Variants in FBXO34 observed in about 807,000 individuals in gnomAD.
FBXO34 encodes the protein F-box protein 34.
FBXO34 carries 12 observed loss-of-function variants against 24.5 expected under a neutral mutation model. The observed-to-expected ratio is 0.49, with a 90% confidence interval of 0.31 to 0.79. The LOEUF is 0.79. Ranked by LOEUF, FBXO34 falls within the 30% of genes least tolerant of loss-of-function variation. The probability of loss-of-function intolerance (pLI) is 0.04; values close to 1 mark genes in which losing one functional copy is unlikely to be tolerated. For missense variants in FBXO34, 823 were observed against 857.7 expected, an observed-to-expected ratio of 0.96 and a Z score of 0.51; for synonymous variants, 320 against 311.9, an observed-to-expected ratio of 1.03 and a Z score of -0.27.
chr14:55,317,429 C>T (rs748115911), intron 1 of FBXO34, among the ~76,000 whole-genome samples: 35 of 151,706 alleles, frequency 2.3e-4, no homozygotes, highest in Non-Finnish European at 4.1e-4. Context: ...TGCAGTGACC[C>T]GAGATTGTGC....
intron 1 of FBXO34, among the ~76,000 whole-genome samples, chr14:55,309,528 T>C (rs567259487): frequency 1.1e-4 from 17 of 152,336 alleles, no homozygotes; most frequent in South Asian, 4.1e-4. Flanking sequence ...TTTAAACTTA[T>C]CTGATTTTTC....
At chr14:55,427,230 G>T in the FBXO34 span, among the ~76,000 whole-genome samples, 1 of 148,948 alleles carries the variant, frequency 6.7e-6, no homozygotes, top group South Asian at 2.1e-4. Flanking sequence ...GGACTTTATA[G>T]GGAGCTCAGA....
At chr14:55,323,029 AAAAAG>A (rs1242559147) in intron 1 of FBXO34, among the ~76,000 whole-genome samples, 3 of 129,242 alleles carry the variant, frequency 2.3e-5, no homozygotes, top group Admixed American at 7.5e-5. Flanking sequence ...AAAAAAAAAA[AAAAAG>A]CAAAAACGGG....
chr14:55,364,356 T>A (rs1245227730), downstream of FBXO34, among the ~76,000 whole-genome samples: 1 of 152,220 alleles, frequency 6.6e-6, no homozygotes, highest in African/African-American at 2.4e-5. Flanking sequence ...AAAAAAGTCA[T>A]TGATGTAAAT....
downstream of FBXO34, among the ~76,000 whole-genome samples, chr14:55,356,298 T>C (rs986075355): frequency 6.6e-6 from 1 of 152,216 alleles, no homozygotes; most frequent in African/African-American, 2.4e-5. Flanking sequence ...AACATGAAAT[T>C]AGCCTGCACA....
At chr14:55,290,232 A>C (rs1881899090) in intron 1 of FBXO34, among the ~76,000 whole-genome samples, 1 of 151,902 alleles carries the variant, frequency 6.6e-6, no homozygotes, top group African/African-American at 2.4e-5. Context: ...CGTCTCTACT[A>C]AAAAATGCAA....
At chr14:55,428,329 CCGT>C in the FBXO34 span, among the ~76,000 whole-genome samples, 1 of 151,830 alleles carries the variant, frequency 6.6e-6, no homozygotes, top group Non-Finnish European at 1.5e-5. Flanking sequence ...CAGGGTTTCA[CCGT>C]GTTAGCCAGG....
At chr14:55,299,606 AAACT>A (rs1373885738) in intron 1 of FBXO34, among the ~76,000 whole-genome samples, 2 of 152,176 alleles carry the variant, frequency 1.3e-5, no homozygotes, top group Middle Eastern at 3.2e-3. Flanking sequence ...CCACCTAACA[AAACT>A]AACAGATTGA....
At chr14:55,413,544 T>G in the FBXO34 span, 1 of 404,608 alleles carries the variant, frequency 2.5e-6, no homozygotes, top group Non-Finnish European at 4.9e-6. Flanking sequence ...TCAGAATTTT[T>G]TTTGACACCT....
chr14:55,369,364 T>C (rs995250326), downstream of FBXO34: 5 of 306,084 alleles, frequency 1.6e-5, no homozygotes, highest in African/African-American at 1.1e-4. Flanking sequence ...GCACAGGTCC[T>C]CCTTCCACCA....
the FBXO34 span, among the ~76,000 whole-genome samples, chr14:55,410,680 A>T: frequency 0.44 from 66,481 of 152,074 alleles, 15,217 homozygotes; most frequent in African/African-American, 0.57. Context: ...TTCTTGTACC[A>T]ACACTTAACT....
chr14:55,394,737 G>C, the FBXO34 span, among the ~76,000 whole-genome samples: 4 of 152,148 alleles, frequency 2.6e-5, no homozygotes, highest in Admixed American at 2.6e-4. Flanking sequence ...CACGGGAACA[G>C]AAGTAATTAA....
downstream of FBXO34, among the ~76,000 whole-genome samples, chr14:55,362,273 C>T (rs183098288): frequency 1.9e-3 from 293 of 152,302 alleles, no homozygotes; most frequent in African/African-American, 6.8e-3. Flanking sequence ...ATTAAGTTTG[C>T]TCTCTTATAC....
At chr14:55,407,200 C>A in the FBXO34 span, among the ~76,000 whole-genome samples, 1 of 152,192 alleles carries the variant, frequency 6.6e-6, no homozygotes, top group Non-Finnish European at 1.5e-5. Flanking sequence ...GTGATCTTGG[C>A]TCACTGCAAC....
chr14:55,308,045 T>A (rs894017822), intron 1 of FBXO34, among the ~76,000 whole-genome samples: 3 of 152,204 alleles, frequency 2.0e-5, no homozygotes, highest in Non-Finnish European at 4.4e-5. Context: ...TCCGATGGTT[T>A]TATAAATGGG....
chr14:55,408,801 C>T, the FBXO34 span, among the ~76,000 whole-genome samples: 1 of 152,050 alleles, frequency 6.6e-6, no homozygotes, highest in Non-Finnish European at 1.5e-5. Flanking sequence ...AATCACGTAC[C>T]AAGTGGTAGA....
intron 1 of FBXO34, among the ~76,000 whole-genome samples, chr14:55,333,078 T>TAG (rs1883654779): frequency 2.6e-5 from 4 of 152,218 alleles, no homozygotes; most frequent in Non-Finnish European, 4.4e-5. Context: ...TAGTGGGCTA[T>TAG]TGTTAGCTAC....
chr14:55,370,013 G>C, downstream of FBXO34: 2 of 1,317,464 alleles, frequency 1.5e-6, no homozygotes, highest in Non-Finnish European at 2.1e-6. Flanking sequence ...CCTCACCTGA[G>C]GGGATGAGGG....
chr14:55,310,870 C>G (rs1181954176), intron 1 of FBXO34, among the ~76,000 whole-genome samples: 1 of 151,860 alleles, frequency 6.6e-6, no homozygotes, highest in Non-Finnish European at 1.5e-5. Flanking sequence ...ATAGCGTTTT[C>G]TTATCTGAAC....
Sources: allele counts gnomAD v4.1 joint callset (sites outside exome capture counted in the v4.1 genomes callset), GRCh38; gene constraint gnomAD v4.1.1; transcripts MANE v1.5; gene names NCBI Gene and HGNC (gene_info 2026-07-23, HGNC 2026-07-21).